TRAPPC9: variants seen among roughly 807,000 people sequenced by gnomAD.
TRAPPC9 encodes IKK2 binding protein.
A neutral mutation model predicts 124.0 loss-of-function variants in TRAPPC9; 83 were observed. The ratio of observed to expected loss-of-function variants is 0.67; its 90% CI spans 0.56 to 0.80. The LOEUF (loss-of-function observed/expected upper bound fraction) is 0.80. Among genes scored for constraint, TRAPPC9 ranks in the 30% least tolerant of loss-of-function variants. The pLI is 0.00. For synonymous variants in TRAPPC9, 638 were observed against 617.5 expected, an observed-to-expected ratio of 1.03 and a Z score of -0.49; for missense variants, 1,302 against 1,508.3, an observed-to-expected ratio of 0.86 and a Z score of 2.27.
chr8:139,952,799 T>C (rs1210961508), intron 19 of TRAPPC9, among the ~76,000 whole-genome samples: 1 of 152,280 alleles, frequency 6.6e-6, no homozygotes, highest in Non-Finnish European at 1.5e-5. Flanking sequence ...GCACTTCCTC[T>C]GCACCAGGCA....
chr8:139,826,463 C>G (rs1176093326), intron 21 of TRAPPC9, among the ~76,000 whole-genome samples: 1 of 150,500 alleles, frequency 6.6e-6, no homozygotes, highest in South Asian at 2.1e-4. Flanking sequence ...CTCCTTCCCC[C>G]GCAGGGTCGG....
In TRAPPC9 at chr8:140,104,646, G is replaced by A. The variant is rs879298443; in HGVS notation, c.2557-80567C>T. Among the ~76,000 whole-genome samples the A allele has an allele frequency of 1.1e-4, 16 of 152,098 alleles. No homozygotes were observed. Among genetic ancestry groups the A allele is most frequent in the Admixed American group, 7.2e-4 (11 of 15,276 alleles). On this transcript the variant is annotated intron_variant, in intron 17 of 22. Transcript: ENST00000438773. The surrounding 1 kb of genome is among the most constrained non-coding windows in gnomAD (Gnocchi z 4.0). ...ACAACGCAGGCGGCAGGAATGCTGC[G>A]TCACACACAGGTGCTGTAAAAAGCT...
chr8:140,204,613 AAAGT>A (rs2062877190), intron 17 of TRAPPC9, among the ~76,000 whole-genome samples: 2 of 152,120 alleles, frequency 1.3e-5, no homozygotes, highest in South Asian at 4.2e-4. Context: ...CCTAGAACTT[AAAGT>A]ATAATAAAAA....
Position 140,410,043 on chromosome 8 carries a change from A to G in TRAPPC9, c.887-4345T>C, listed in dbSNP as rs569435962. On this transcript the variant is annotated intron_variant, in intron 5 of 22. Transcript: ENST00000438773. ...TGATTCCCAGCTACTTGGGAGGCTG[A>G]GGCAGGAGGACTGCTTGAGCCCAGA... 7.5e-5 allele frequency among the ~76,000 whole-genome samples: 11 copies of G among 145,760 alleles called. No homozygotes were observed. In the East Asian group the frequency reaches 2.5e-3, roughly 33 times the overall value.
rs183618763 is a variant in TRAPPC9, at chr8:139,788,269, G to A, written c.3056-56067C>T. 2.2e-3 allele frequency among the ~76,000 whole-genome samples: 335 copies of A among 152,334 alleles called. No homozygotes were observed. Among genetic ancestry groups the A allele is most frequent in the African/African-American group, 7.8e-3 (326 of 41,568 alleles). ...TTCAGGTCCTGGGTGGCTAATGTGT[G>A]TGTCAGTGTATGTTGGAGGAGGGGA... On this transcript the variant is annotated intron_variant, in intron 21 of 22. Transcript: ENST00000438773. The surrounding 1 kb of genome is among the most constrained non-coding windows in gnomAD (Gnocchi z 4.9).
At chr8:139,763,635 C>T (rs558659821) in intron 21 of TRAPPC9, among the ~76,000 whole-genome samples, 1 of 152,264 alleles carries the variant, frequency 6.6e-6, no homozygotes, top group South Asian at 2.1e-4. Context: ...CACACGTGCA[C>T]ACATGTGCAC....
intron 19 of TRAPPC9, among the ~76,000 whole-genome samples, chr8:139,979,026 G>A (rs1836694002): frequency 6.6e-6 from 1 of 152,010 alleles, no homozygotes; most frequent in East Asian, 1.9e-4. Context: ...CAGGAGGGGA[G>A]TGAAGAGTTC....
At chr8:140,140,679 G>A (rs1037587904) in intron 17 of TRAPPC9, among the ~76,000 whole-genome samples, 3 of 152,068 alleles carry the variant, frequency 2.0e-5, no homozygotes, top group African/African-American at 7.2e-5. Context: ...TACCCACATA[G>A]CTATCTTCGT....
intron 9 of TRAPPC9, among the ~76,000 whole-genome samples, chr8:140,354,066 G>C (rs2067666341): frequency 2.0e-5 from 3 of 152,230 alleles, no homozygotes; most frequent in Admixed American, 2.0e-4. Flanking sequence ...TAGCAATGCT[G>C]TTGTATTTGG....
chr8:140,112,446 T>G (rs1237825466), intron 17 of TRAPPC9, among the ~76,000 whole-genome samples: 5 of 147,436 alleles, frequency 3.4e-5, no homozygotes, highest in Non-Finnish European at 7.5e-5. Context: ...GCGAGGAGAG[T>G]AATGGAGAAT....
intron 7 of TRAPPC9, among the ~76,000 whole-genome samples, chr8:140,378,091 G>A (rs1332824409): frequency 6.6e-6 from 1 of 152,182 alleles, no homozygotes. Context: ...GATTCATTCA[G>A]AACGTAGCTT....
At chr8:140,347,372 C>T (rs963460744) in intron 9 of TRAPPC9, among the ~76,000 whole-genome samples, 1 of 152,204 alleles carries the variant, frequency 6.6e-6, no homozygotes, top group African/African-American at 2.4e-5. Flanking sequence ...TAGCCCAATC[C>T]CCTATAAGAA....
chr8:139,877,650 C>T lies in TRAPPC9; in HGVS notation c.3055+8229G>A, dbSNP rs541936251. Among the ~76,000 whole-genome samples, 13 of 152,266 alleles carry T rather than the reference C, an allele frequency of 8.5e-5. No individual in the cohort carries two copies. The South Asian group carries it at 1.2e-3, about 15-fold the overall frequency. ...GGGAGATTCTGGTGGTCCCCCACTG[C>T]CCGTAGTCTGGCATCAGCACCCACA... On this transcript the variant is annotated intron_variant, in intron 21 of 22. Coordinates refer to ENST00000438773, the MANE Select transcript of TRAPPC9 (RefSeq NM_001160372.4).
In TRAPPC9 at chr8:140,350,968, G is replaced by A. The variant is rs184747096; in HGVS notation, c.1495+9082C>T. Among the ~76,000 whole-genome samples, 293 of 152,036 alleles carry A rather than the reference G, an allele frequency of 1.9e-3. 3 individuals carry two copies. Among genetic ancestry groups the A allele is most frequent in the African/African-American group, 6.9e-3 (288 of 41,494 alleles). On this transcript the variant is annotated intron_variant, in intron 9 of 22. Coordinates refer to ENST00000438773, the MANE Select transcript of TRAPPC9 (RefSeq NM_001160372.4). ...AGGCTGGAGTGGAGCAAGGGAGAGG[G>A]GCAGGAGGCTCCAGAGGAGATGACG...
intron 17 of TRAPPC9, among the ~76,000 whole-genome samples, chr8:140,101,946 T>G (rs1021718918): frequency 1.3e-5 from 2 of 152,286 alleles, no homozygotes; most frequent in Non-Finnish European, 2.9e-5. Flanking sequence ...TATTTCATGA[T>G]GTTCTGGTAT....
chr8:139,850,807 G>A (rs1182037934), intron 21 of TRAPPC9, among the ~76,000 whole-genome samples: 1 of 151,994 alleles, frequency 6.6e-6, no homozygotes, highest in Admixed American at 6.5e-5. Flanking sequence ...GACCCATCTA[G>A]CTATCAACTC....
Position 139,988,808 on chromosome 8 carries a change from C to T in TRAPPC9, c.2728G>A (p.Val910Ile), listed in dbSNP as rs946290836. 6.4e-7 allele frequency: 1 copy of T among 1,551,460 alleles called. No homozygotes were observed. The highest frequency in any genetic ancestry group is 1.4e-5 in the African/African-American group (1 of 73,160). The change falls in exon 19 of 23, where the codon GTC (valine) becomes ATC (isoleucine). Residue 910 changes from valine (V) to isoleucine (I), a missense_variant. By Grantham distance (29) the Val-to-Ile change is conservative. Coordinates refer to ENST00000438773, the MANE Select transcript of TRAPPC9 (RefSeq NM_001160372.4). ...STRQCHLLLDVFNSTEHELTV... is the reference protein window; with the variant it reads ...STRQCHLLLDIFNSTEHELTV... ...AGCTCATGCTCGGTGGAGTTGAAGA[C>T]ATCCAGGAGCAGGTGACACTGCCGG... is the stretch of plus-strand genomic sequence containing the variant.
chr8:140,369,783 C>T (rs2068225467), intron 8 of TRAPPC9, among the ~76,000 whole-genome samples: 1 of 152,130 alleles, frequency 6.6e-6, no homozygotes, highest in Non-Finnish European at 1.5e-5. Context: ...GAAACCCCAT[C>T]TCTACTAAAA....
chr8:140,257,686 C>A lies in TRAPPC9; in HGVS notation c.2279-4757G>T, dbSNP rs986114193. Among the ~76,000 whole-genome samples the A allele has an allele frequency of 6.6e-6, 1 of 152,204 alleles. No homozygotes were observed. The highest frequency in any genetic ancestry group is 2.4e-5 in the African/African-American group (1 of 41,444). On this transcript the variant is annotated intron_variant, in intron 15 of 22. Transcript: ENST00000438773. This position sits in a 1 kb window ranked among gnomAD's most constrained non-coding sequence, Gnocchi z 4.6. ...TGCCTACTACTGGAAATGTCTTCCC[C>A]TACCTTCTCTGCCTGGCTGGATTTT...
Sources: allele counts gnomAD v4.1 joint callset (sites outside exome capture counted in the v4.1 genomes callset), GRCh38; gene constraint gnomAD v4.1.1; non-coding constraint Gnocchi (gnomAD v3.1); transcripts MANE v1.5; gene names NCBI Gene and HGNC (gene_info 2026-07-23, HGNC 2026-07-21).